CARMIL1: variants seen among roughly 807,000 people sequenced by gnomAD.
CARMIL1 encodes F-actin-uncapping protein LRRC16A.
CARMIL1 carries 90 observed loss-of-function variants against 177.1 expected under a neutral mutation model. The ratio of observed to expected loss-of-function variants is 0.51; its 90% CI spans 0.43 to 0.61. The LOEUF is 0.61. CARMIL1 is among the 20% of genes least tolerant of loss of function. The pLI, the probability that CARMIL1 is intolerant of heterozygous loss-of-function variation, is 0.00. For synonymous variants in CARMIL1, 577 were observed against 606.2 expected, an observed-to-expected ratio of 0.95 and a Z score of 0.71; for missense variants, 1,380 against 1,667.0, an observed-to-expected ratio of 0.83 and a Z score of 3.00.
At chr6:25,563,241 T>A in intron 29 of CARMIL1, 1 of 985,456 alleles carries the variant, frequency 1.0e-6, no homozygotes, top group Non-Finnish European at 1.2e-6. Flanking sequence ...GACATTTGCA[T>A]CAACGACGTT....
At chr6:25,425,725 G>A (rs1408269105) in intron 3 of CARMIL1, among the ~76,000 whole-genome samples, 1 of 151,916 alleles carries the variant, frequency 6.6e-6, no homozygotes, top group Non-Finnish European at 1.5e-5. Context: ...GAGAAGAGAG[G>A]GGCACTTGTT....
Position 25,558,117 on chromosome 6 carries a change from G to A in CARMIL1, c.2742+1267G>A, listed in dbSNP as rs903473584. On this transcript the variant is annotated intron_variant, in intron 29 of 36. Transcript: ENST00000329474. This position sits in a 1 kb window ranked among gnomAD's most constrained non-coding sequence, Gnocchi z 4.1. ...TATTTTGAGTTTGTTTGCCTTTTGA[G>A]GCATTAGAAGTTGGACACTATGTTA... Among the ~76,000 whole-genome samples the A allele has an allele frequency of 1.3e-5, 2 of 152,072 alleles. No homozygotes were observed. The highest frequency in any genetic ancestry group is 1.3e-4 in the Admixed American group (2 of 15,270).
At chr6:25,287,259 C>T (rs1475576558) in intron 2 of CARMIL1, among the ~76,000 whole-genome samples, 2 of 152,220 alleles carry the variant, frequency 1.3e-5, no homozygotes, top group African/African-American at 4.8e-5. Flanking sequence ...TTACTTCCCC[C>T]ATTGCCCACC....
intron 2 of CARMIL1, among the ~76,000 whole-genome samples, chr6:25,352,972 C>G (rs1020170390): frequency 1.3e-5 from 2 of 152,172 alleles, no homozygotes; most frequent in African/African-American, 4.8e-5. Context: ...CTGCCACTAC[C>G]TGTTGTAGGT....
chr6:25,413,694 A>G (rs1543603), intron 2 of CARMIL1, among the ~76,000 whole-genome samples: 107,983 of 152,110 alleles, frequency 0.71, 39,307 homozygotes, highest in South Asian at 0.81. Flanking sequence ...TGTGGTTTGC[A>G]TGTTAAGGCT....
intron 13 of CARMIL1, among the ~76,000 whole-genome samples, chr6:25,491,299 C>G (rs1476201582): frequency 6.6e-6 from 1 of 152,142 alleles, no homozygotes; most frequent in Non-Finnish European, 1.5e-5. Flanking sequence ...GAGAGGATAG[C>G]CTGAGACCAT....
chr6:25,418,455 G>A (rs1294402645), intron 2 of CARMIL1, among the ~76,000 whole-genome samples: 2 of 151,344 alleles, frequency 1.3e-5, no homozygotes, highest in African/African-American at 2.4e-5. Context: ...TGACCTCCCC[G>A]CACTCATCCT....
At chr6:25,307,366 T>C (rs1783361821) in intron 2 of CARMIL1, among the ~76,000 whole-genome samples, 1 of 152,220 alleles carries the variant, frequency 6.6e-6, no homozygotes, top group Admixed American at 6.5e-5. Flanking sequence ...TTTGGATACC[T>C]GTGTGTGTTT....
intron 2 of CARMIL1, among the ~76,000 whole-genome samples, chr6:25,297,283 G>A (rs950221123): frequency 1.3e-5 from 2 of 152,218 alleles, no homozygotes; most frequent in African/African-American, 2.4e-5. Flanking sequence ...TGGCTTGGGT[G>A]TACAGATGTT....
intron 2 of CARMIL1, among the ~76,000 whole-genome samples, chr6:25,316,653 C>G (rs1784299884): frequency 6.6e-6 from 1 of 152,102 alleles, no homozygotes; most frequent in African/African-American, 2.4e-5. Flanking sequence ...CTCAGGTGAT[C>G]TGCCTGCCTC....
intron 2 of CARMIL1, among the ~76,000 whole-genome samples, chr6:25,295,441 A>G (rs560090932): frequency 2.0e-5 from 3 of 152,074 alleles, no homozygotes; most frequent in Admixed American, 2.0e-4. Flanking sequence ...CCTCATATTT[A>G]TTTCTCTTGG....
intron 11 of CARMIL1, 69 bp downstream of exon 11, chr6:25,472,590 T>C (rs956896286): frequency 2.4e-6 from 3 of 1,265,860 alleles, no homozygotes; most frequent in Non-Finnish European, 1.1e-6. Context: ...AATTTAGCCA[T>C]GCCTGAAGAG....
intron 2 of CARMIL1, among the ~76,000 whole-genome samples, chr6:25,402,004 T>C (rs887446116): frequency 6.6e-6 from 1 of 151,938 alleles, no homozygotes; most frequent in Non-Finnish European, 1.5e-5. Context: ...TTTTTTTTTT[T>C]CATTTTCAAT....
In CARMIL1 at chr6:25,554,154, G is replaced by C; in HGVS notation, c.2592+58G>C. 2 of 1,178,376 alleles carry C rather than the reference G, an allele frequency of 1.7e-6. No individual in the cohort carries two copies. Among genetic ancestry groups the C allele is most frequent in the Non-Finnish European group, 2.5e-6 (2 of 805,742 alleles). 73.0% of individuals were successfully genotyped at this position (1,178,376 alleles called of 1,614,324 possible). On this transcript the variant is annotated intron_variant, in intron 28 of 36. Coordinates refer to ENST00000329474, the MANE Select transcript of CARMIL1 (RefSeq NM_017640.6). The surrounding 1 kb of genome is among the most constrained non-coding windows in gnomAD (Gnocchi z 4.6). Reference sequence around the variant, plus strand: ...CTGTTTCAGCTCTGCTGTGATGCAGGATGACTTCCGGTGTGGGGATGTGAT... The same window carrying C: ...CTGTTTCAGCTCTGCTGTGATGCAGCATGACTTCCGGTGTGGGGATGTGAT...
intron 2 of CARMIL1, chr6:25,393,703 C>G (rs565511587): frequency 6.8e-6 from 1 of 147,440 alleles, no homozygotes; most frequent in East Asian, 1.9e-4. Flanking sequence ...ACAAGACCTG[C>G]TCTACAATTT....
At chr6:25,382,285 A>T (rs1016167447) in intron 2 of CARMIL1, among the ~76,000 whole-genome samples, 17 of 152,010 alleles carry the variant, frequency 1.1e-4, no homozygotes, top group African/African-American at 4.1e-4. Flanking sequence ...TTTAGTAGAG[A>T]TGGGGTTTCA....
intron 9 of CARMIL1, among the ~76,000 whole-genome samples, chr6:25,468,833 A>G (rs1196919429): frequency 6.6e-6 from 1 of 152,244 alleles, no homozygotes; most frequent in Non-Finnish European, 1.5e-5. Flanking sequence ...GTATTACAGT[A>G]TTTATACCCC....
intron 17 of CARMIL1, among the ~76,000 whole-genome samples, chr6:25,503,052 C>G (rs561422432): frequency 1.3e-5 from 2 of 152,176 alleles, no homozygotes; most frequent in Admixed American, 6.5e-5. Context: ...TTGGCAGTTT[C>G]GTAAAGTTCA....
chr6:25,340,865 A>G (rs1166406690), intron 2 of CARMIL1, among the ~76,000 whole-genome samples: 1 of 148,090 alleles, frequency 6.8e-6, no homozygotes, highest in Non-Finnish European at 1.5e-5. Context: ...AGGAGTTAGG[A>G]AATTCTGAGA....
Sources: allele counts gnomAD v4.1 joint callset (sites outside exome capture counted in the v4.1 genomes callset), GRCh38; gene constraint gnomAD v4.1.1; non-coding constraint Gnocchi (gnomAD v3.1); transcripts MANE v1.5; gene names NCBI Gene and HGNC (gene_info 2026-07-23, HGNC 2026-07-21).